ZFHX3: variants seen among roughly 807,000 people sequenced by gnomAD.
ZFHX3 encodes the protein zinc finger homeobox protein 3.
A neutral mutation model predicts 279.1 loss-of-function variants in ZFHX3; 42 were observed. The ratio of observed to expected loss-of-function variants is 0.15; its 90% CI spans 0.12 to 0.19. ZFHX3 has a LOEUF of 0.19. Ranked by LOEUF, ZFHX3 falls within the 10% of genes least tolerant of loss-of-function variation. The pLI is 1.00. For synonymous variants in ZFHX3, 2,293 were observed against 1,957.8 expected (o/e 1.17, Z -4.52); for missense variants, 4,981 against 4,754.0 (o/e 1.05, Z -1.40).
At chr16:73,055,540 G>C (rs1032218970) in intron 1 of ZFHX3, among the ~76,000 whole-genome samples, 3 of 152,268 alleles carry the variant, frequency 2.0e-5, no homozygotes, top group Admixed American at 6.5e-5. Flanking sequence ...CCTTGGGTCA[G>C]ATTCAAACTC....
intron 1 of ZFHX3, among the ~76,000 whole-genome samples, chr16:73,687,208 G>T (rs1459799015): frequency 4.0e-5 from 6 of 149,542 alleles, no homozygotes; most frequent in African/African-American, 1.5e-4. Flanking sequence ...GGGCAACATG[G>T]TAAAACCCCA....
At position 73,690,841 on chromosome 16, in the gene ZFHX3, T is replaced by C. The variant is rs146714421; in HGVS notation, c.-1607-10601A>G. Among the ~76,000 whole-genome samples the C allele has an allele frequency of 2.2e-4, 34 of 152,310 alleles. 1 individual carries two copies. The highest frequency in any genetic ancestry group is 8.2e-4 in the African/African-American group (34 of 41,548). On this transcript the variant is annotated intron_variant, in intron 1 of 17. Transcript: ENST00000641206. ...GTTACCTTACACCATCTGCTCGCAC[T>C]CCACCCATCCAGCCCCAGCTGATAC...
intron 1 of ZFHX3, among the ~76,000 whole-genome samples, chr16:73,737,704 G>A (rs1485631281): frequency 6.6e-6 from 1 of 151,838 alleles, no homozygotes; most frequent in African/African-American, 2.4e-5. Flanking sequence ...ATCCCACAAA[G>A]CTGACATTAT....
chr16:72,909,877 CAAAAAAAAAAAAAAA>C (rs66982395), intron 3 of ZFHX3, among the ~76,000 whole-genome samples: 5 of 82,324 alleles, frequency 6.1e-5, no homozygotes, highest in Admixed American at 1.5e-4. Flanking sequence ...CACCGTGTCT[CAAAAAAAAAAAAAAA>C]AAAAAAAATT....
intron 1 of ZFHX3, chr16:73,812,590 C>G (rs1449084815): frequency 1.3e-5 from 2 of 152,298 alleles, no homozygotes; most frequent in South Asian, 2.1e-4. Flanking sequence ...TACCAGGTCA[C>G]AGACTGATAC....
intron 3 of ZFHX3, among the ~76,000 whole-genome samples, chr16:73,450,079 A>G (rs2018257251): frequency 6.6e-6 from 1 of 152,236 alleles, no homozygotes; most frequent in Non-Finnish European, 1.5e-5. Context: ...ATATACATAT[A>G]CACTGTGTAC....
chr16:73,251,855 C>T (rs1477691208), intron 5 of ZFHX3, among the ~76,000 whole-genome samples: 20 of 128,590 alleles, frequency 1.6e-4, no homozygotes, highest in Admixed American at 7.1e-4. Flanking sequence ...ACATACACAC[C>T]GCACACACGC....
At chr16:73,869,086 C>G (rs771909753) in intron 1 of ZFHX3, among the ~76,000 whole-genome samples, 1 of 152,122 alleles carries the variant, frequency 6.6e-6, no homozygotes, top group Non-Finnish European at 1.5e-5. Flanking sequence ...AAGAATATGT[C>G]ACATTAACCT....
chr16:73,414,572 G>T (rs1267449213), intron 3 of ZFHX3, among the ~76,000 whole-genome samples: 1 of 152,194 alleles, frequency 6.6e-6, no homozygotes, highest in African/African-American at 2.4e-5. Flanking sequence ...TAATTAAGAG[G>T]TAGGATCCCA....
intron 3 of ZFHX3, among the ~76,000 whole-genome samples, chr16:72,905,996 T>C (rs56073718): frequency 0.17 from 25,949 of 151,988 alleles, 3,200 homozygotes; most frequent in East Asian, 0.63. Flanking sequence ...CTAGGAGGAA[T>C]GGACCATTCT....
At chr16:72,953,330 T>C (rs1302633314) in intron 2 of ZFHX3, among the ~76,000 whole-genome samples, 1 of 151,648 alleles carries the variant, frequency 6.6e-6, no homozygotes, top group Non-Finnish European at 1.5e-5. Context: ...CTCCATCCCT[T>C]AACGGGGACG....
At chr16:72,839,041 A>T (rs1401403447) in intron 4 of ZFHX3, among the ~76,000 whole-genome samples, 2 of 152,188 alleles carry the variant, frequency 1.3e-5, no homozygotes, top group Non-Finnish European at 2.9e-5. Context: ...TTCAGCAGGG[A>T]TTAGTTCCCT....
At chr16:73,115,981 G>A (rs8047596) in intron 7 of ZFHX3, among the ~76,000 whole-genome samples, 2,019 of 152,194 alleles carry the variant, frequency 0.013, 50 homozygotes, top group African/African-American at 0.046. Flanking sequence ...TTAGCCGGGC[G>A]TGGTGATGCA....
intron 5 of ZFHX3, among the ~76,000 whole-genome samples, chr16:72,822,472 CAAG>C (rs1012944020): frequency 1.3e-5 from 2 of 152,142 alleles, no homozygotes; most frequent in African/African-American, 4.8e-5. Context: ...GCATTGGACC[CAAG>C]AAGAATATGA....
intron 1 of ZFHX3, among the ~76,000 whole-genome samples, chr16:73,759,223 T>G (rs1022235384): frequency 3.9e-5 from 6 of 152,218 alleles, no homozygotes; most frequent in Non-Finnish European, 7.3e-5. Context: ...GATCCTTCTC[T>G]CTTGATGCTT....
intron 1 of ZFHX3, among the ~76,000 whole-genome samples, chr16:73,684,418 A>AT (rs1438619285): frequency 1.3e-5 from 2 of 152,088 alleles, no homozygotes; most frequent in African/African-American, 2.4e-5. Flanking sequence ...GAAAATTGGG[A>AT]TAAAAAAATA....
intron 7 of ZFHX3, among the ~76,000 whole-genome samples, chr16:72,810,648 T>C (rs1052941110): frequency 6.6e-6 from 1 of 152,220 alleles, no homozygotes; most frequent in African/African-American, 2.4e-5. Context: ...AAATCTGCAG[T>C]TGTAGCAATA....
At chr16:72,855,080 G>A (rs1334752401) in intron 4 of ZFHX3, among the ~76,000 whole-genome samples, 4 of 152,172 alleles carry the variant, frequency 2.6e-5, no homozygotes, top group Non-Finnish European at 5.9e-5. Context: ...AGAGAGGGCT[G>A]GGGCAGATTG....
intron 3 of ZFHX3, among the ~76,000 whole-genome samples, chr16:72,939,869 C>T (rs748529473): frequency 9.9e-5 from 15 of 152,164 alleles, no homozygotes; most frequent in Non-Finnish European, 1.6e-4. Flanking sequence ...CCTTGACCTC[C>T]TCGGCTCAAG....
Sources: gnomAD v4.1 joint callset for allele counts (sites outside exome capture counted in the v4.1 genomes callset) on GRCh38, gnomAD v4.1.1 for gene constraint, MANE v1.5 for transcripts, NCBI Gene and HGNC (gene_info 2026-07-23, HGNC 2026-07-21) for gene names.